Variants in MYOCD observed in about 807,000 individuals in gnomAD.
MYOCD encodes the protein myocardin.
In MYOCD, 32 loss-of-function variants were observed where a neutral mutation model predicts 96.1. The ratio of observed to expected loss-of-function variants is 0.33; its 90% confidence interval spans 0.25 to 0.45. MYOCD has a LOEUF of 0.45. MYOCD is among the 20% of genes least tolerant of loss of function. The pLI is 1.00. For missense variants in MYOCD, 1,133 were observed against 1,200.6 expected (o/e 0.94, Z 0.83); for synonymous variants, 469 against 469.0 (o/e 1.00, Z 0.00).
intron 1 of MYOCD, among the ~76,000 whole-genome samples, chr17:12,685,539 G>A (rs1238764797): frequency 6.6e-6 from 1 of 151,818 alleles, no homozygotes; most frequent in Non-Finnish European, 1.5e-5. Flanking sequence ...CCAGGAGGCG[G>A]AGGTTGCGGT....
chr17:12,714,323 G>GCAAA (rs1555531836), intron 2 of MYOCD, among the ~76,000 whole-genome samples: 1 of 136,052 alleles, frequency 7.4e-6, no homozygotes, highest in African/African-American at 2.7e-5. Flanking sequence ...TGAGGCACGT[G>GCAAA]CACACACACA....
At position 12,752,396 on chromosome 17, in the gene MYOCD, A is replaced by T. The variant is rs370836475; in HGVS notation, c.1126-18A>T. ...ATTGTCGTTAAACAGCACACTAACC[A>T]CATTCTGATTTCTTTAGGTCTCTGA... On this transcript the variant is annotated intron_variant, in intron 9 of 13. Coordinates refer to ENST00000425538, the MANE Select transcript of MYOCD (RefSeq NM_001146312.3). The T allele has an allele frequency of 5.0e-6, 8 of 1,584,702 alleles. No homozygotes were observed. The Admixed American group carries it at 1.4e-4, about 29-fold the overall frequency.
chr17:12,717,208 G>A (rs1279264816), intron 3 of MYOCD, 138 bp from the exon 4 acceptor site: 1 of 638,778 alleles, frequency 1.6e-6, no homozygotes, highest in Non-Finnish European at 2.7e-6. Context: ...CTTTGGAAAT[G>A]TTCCTTCATC....
At chr17:12,715,881 G>A (rs529093246) in intron 3 of MYOCD, among the ~76,000 whole-genome samples, 4 of 152,174 alleles carry the variant, frequency 2.6e-5, no homozygotes, top group South Asian at 4.1e-4. Context: ...AAGTGGAGTC[G>A]GTTTTCAAGC....
At chr17:12,685,093 C>T (rs1597733354) in intron 1 of MYOCD, among the ~76,000 whole-genome samples, 1 of 151,556 alleles carries the variant, frequency 6.6e-6, no homozygotes, top group Admixed American at 6.6e-5. Context: ...GTCAGGAGTT[C>T]GAGACTAGCC....
chr17:12,725,406 C>A (rs1012562950), intron 5 of MYOCD, among the ~76,000 whole-genome samples: 3 of 148,254 alleles, frequency 2.0e-5, no homozygotes, highest in Non-Finnish European at 4.5e-5. Flanking sequence ...ATGCATTATA[C>A]ACACTTTATA....
chr17:12,712,564 A>G (rs1166935239), intron 2 of MYOCD, among the ~76,000 whole-genome samples: 1 of 152,158 alleles, frequency 6.6e-6, no homozygotes, highest in Non-Finnish European at 1.5e-5. Flanking sequence ...GACTGTTCTT[A>G]TCTTGGGATC....
At chr17:12,755,906 A>G (rs1232266310) in intron 10 of MYOCD, among the ~76,000 whole-genome samples, 2 of 152,138 alleles carry the variant, frequency 1.3e-5, no homozygotes, top group African/African-American at 4.8e-5. Context: ...ATAAAGAACA[A>G]TATAGGTTAA....
intron 1 of MYOCD, among the ~76,000 whole-genome samples, chr17:12,692,249 A>G (rs1215056778): frequency 2.6e-5 from 4 of 152,250 alleles, no homozygotes; most frequent in African/African-American, 9.6e-5. Flanking sequence ...TAAAAGGTAT[A>G]TGCTTGCATT....
intron 12 of MYOCD, chr17:12,760,267 G>A (rs1399506146): frequency 1.6e-5 from 4 of 253,938 alleles, no homozygotes; most frequent in South Asian, 5.5e-5. Context: ...AATACTGTAC[G>A]ATTCGCTTCT....
chr17:12,724,504 C>G (rs1203374614), intron 5 of MYOCD, among the ~76,000 whole-genome samples: 1 of 151,998 alleles, frequency 6.6e-6, no homozygotes, highest in Non-Finnish European at 1.5e-5. Flanking sequence ...CCAGTTTGTC[C>G]TTCACTTTTT....
chr17:12,673,555 A>G (rs1018693470), intron 1 of MYOCD, among the ~76,000 whole-genome samples: 7 of 152,180 alleles, frequency 4.6e-5, no homozygotes, highest in Admixed American at 2.6e-4. Context: ...TTCCACTTGT[A>G]TTGGAAAATT....
chr17:12,717,710 G>A (rs1046561631), intron 4 of MYOCD, among the ~76,000 whole-genome samples: 9 of 152,268 alleles, frequency 5.9e-5, no homozygotes, highest in Middle Eastern at 3.4e-3. Flanking sequence ...CATGGAACAC[G>A]TCCAACATGT....
Position 12,763,681 on chromosome 17 carries a change from A to G in MYOCD, c.*37A>G. On this transcript the variant is annotated 3_prime_UTR_variant, in exon 14 of 14. Coordinates refer to ENST00000425538, the MANE Select transcript of MYOCD (RefSeq NM_001146312.3). ...CACCAGTGCTATGGAAGACCAATGG[A>G]GTTCCATGGGGGAAAGCACACAGCC... The G allele has an allele frequency of 6.6e-7, 1 of 1,524,706 alleles. No homozygotes were observed. Among genetic ancestry groups the G allele is most frequent in the Non-Finnish European group, 9.0e-7 (1 of 1,115,630 alleles). 94.4% of individuals were successfully genotyped at this position (1,524,706 alleles called of 1,614,324 possible).
intron 1 of MYOCD, among the ~76,000 whole-genome samples, chr17:12,666,477 CTTTTA>C (rs1465356213): frequency 6.6e-6 from 1 of 152,110 alleles, no homozygotes; most frequent in Non-Finnish European, 1.5e-5. Context: ...AAGGCCAATC[CTTTTA>C]TTTTATTTTC....
chr17:12,681,268 A>G (rs1246626691), intron 1 of MYOCD, among the ~76,000 whole-genome samples: 2 of 152,070 alleles, frequency 1.3e-5, no homozygotes, highest in African/African-American at 4.8e-5. Flanking sequence ...TCTTAGTGAC[A>G]TCGTAAGGCA....
At chr17:12,732,431 C>A (rs537628082) in intron 5 of MYOCD, among the ~76,000 whole-genome samples, 2 of 152,320 alleles carry the variant, frequency 1.3e-5, no homozygotes, top group East Asian at 3.9e-4. Context: ...TCAATCCCAC[C>A]TCCTCCGGGA....
At chr17:12,742,432 C>T (rs2032538908) in intron 7 of MYOCD, among the ~76,000 whole-genome samples, 1 of 152,060 alleles carries the variant, frequency 6.6e-6, no homozygotes, top group Admixed American at 6.5e-5. Flanking sequence ...AATATGCTTG[C>T]CAGCTGTTCA....
At chr17:12,739,005 A>T (rs1414029931) in intron 6 of MYOCD, among the ~76,000 whole-genome samples, 198 bp from the exon 7 acceptor site, 1 of 152,180 alleles carries the variant, frequency 6.6e-6, no homozygotes, top group Non-Finnish European at 1.5e-5. Context: ...ATGTGTATAC[A>T]CATGTACATA....
Sources: gnomAD v4.1 joint callset for allele counts (sites outside exome capture counted in the v4.1 genomes callset) on GRCh38, gnomAD v4.1.1 for gene constraint, MANE v1.5 for transcripts, NCBI Gene and HGNC (gene_info 2026-07-23, HGNC 2026-07-21) for gene names.